MAGI2: variants seen among roughly 807,000 people sequenced by gnomAD.
The protein encoded by MAGI2 is membrane associated guanylate kinase, WW and PDZ domain containing 2, also known as membrane-associated guanylate kinase, WW and PDZ domain-containing protein 2.
Under a neutral mutation model 133.3 loss-of-function variants are expected in MAGI2, and 35 were observed. The ratio of observed to expected loss-of-function variants is 0.26; its 90% CI spans 0.20 to 0.35. The LOEUF (loss-of-function observed/expected upper bound fraction) is 0.35, where lower values mean the gene tolerates loss of function less well. Among genes scored for constraint, MAGI2 ranks in the 10% least tolerant of loss-of-function variants. The pLI, the probability that MAGI2 is intolerant of heterozygous loss-of-function variation, is 1.00. For synonymous variants in MAGI2, 729 were observed against 710.6 expected (o/e 1.03, Z -0.41); for missense variants, 1,636 against 1,863.4 (o/e 0.88, Z 2.25).
intron 2 of MAGI2, among the ~76,000 whole-genome samples, chr7:78,638,540 A>G (rs1452303869): frequency 6.6e-6 from 1 of 152,194 alleles, no homozygotes; most frequent in African/African-American, 2.4e-5. Context: ...GCAGAGACAT[A>G]AATAAAATGA....
At chr7:79,060,137 T>A (rs974652686) in intron 1 of MAGI2, among the ~76,000 whole-genome samples, 1 of 152,004 alleles carries the variant, frequency 6.6e-6, no homozygotes, top group African/African-American at 2.4e-5. Context: ...AACCAAAATA[T>A]CTCTTACTAA....
chr7:79,175,618 T>A (rs1826023099), intron 1 of MAGI2, among the ~76,000 whole-genome samples: 1 of 151,984 alleles, frequency 6.6e-6, no homozygotes, highest in Non-Finnish European at 1.5e-5. Context: ...GTAGTATACT[T>A]ACATAGAGCG....
intron 3 of MAGI2, among the ~76,000 whole-genome samples, chr7:78,575,212 A>G (rs888910145): frequency 6.6e-6 from 1 of 152,152 alleles, no homozygotes; most frequent in Non-Finnish European, 1.5e-5. Flanking sequence ...ATTCCATTTA[A>G]AAGGAGCTAC....
intron 20 of MAGI2, among the ~76,000 whole-genome samples, chr7:78,088,321 A>G (rs1233369467): frequency 1.3e-5 from 2 of 152,150 alleles, no homozygotes; most frequent in African/African-American, 4.8e-5. Flanking sequence ...TCAACTTTTT[A>G]GCACCTTCTC....
chr7:78,596,297 T>C (rs1804606400), intron 3 of MAGI2, among the ~76,000 whole-genome samples: 1 of 152,000 alleles, frequency 6.6e-6, no homozygotes, highest in African/African-American at 2.4e-5. Flanking sequence ...GTTAAGCTGT[T>C]AGCAAGAATG....
intron 2 of MAGI2, among the ~76,000 whole-genome samples, chr7:78,993,730 T>C (rs555213997): frequency 5.3e-4 from 80 of 152,166 alleles, no homozygotes; most frequent in African/African-American, 1.7e-3. Flanking sequence ...CTAAACCTTG[T>C]CCTTCTTAAA....
At chr7:78,259,453 C>T (rs765981265) in intron 9 of MAGI2, among the ~76,000 whole-genome samples, 68 of 152,134 alleles carry the variant, frequency 4.5e-4, no homozygotes, top group Admixed American at 4.6e-4. Context: ...TGGGAAATAA[C>T]GAATGAGATC....
chr7:79,424,351 C>T (rs1284658391), intron 1 of MAGI2, among the ~76,000 whole-genome samples: 1 of 151,202 alleles, frequency 6.6e-6, no homozygotes, highest in Non-Finnish European at 1.5e-5. Flanking sequence ...TATGTAAAAT[C>T]TAAAAAAGTT....
chr7:79,028,673 G>A (rs1213627550), intron 1 of MAGI2, among the ~76,000 whole-genome samples: 1 of 151,910 alleles, frequency 6.6e-6, no homozygotes, highest in Non-Finnish European at 1.5e-5. Context: ...TTACATCCCT[G>A]CCTAATTGAT....
intron 6 of MAGI2, among the ~76,000 whole-genome samples, chr7:78,429,581 T>C (rs1799599872): frequency 6.6e-6 from 1 of 152,144 alleles, no homozygotes. Flanking sequence ...AGAATAAATA[T>C]GTACCTTTTT....
intron 1 of MAGI2, among the ~76,000 whole-genome samples, chr7:79,425,519 C>A (rs1367094241): frequency 5.3e-5 from 8 of 150,724 alleles, no homozygotes; most frequent in African/African-American, 1.5e-4. Context: ...TACTAACATC[C>A]TAAAGCTAAC....
intron 6 of MAGI2, among the ~76,000 whole-genome samples, chr7:78,422,803 C>A (rs1378652133): frequency 6.6e-6 from 1 of 152,102 alleles, no homozygotes; most frequent in Non-Finnish European, 1.5e-5. Flanking sequence ...CATTAAAAAA[C>A]CTAGTCTTGC....
At chr7:79,430,178 A>C (rs186397181) in intron 1 of MAGI2, among the ~76,000 whole-genome samples, 20 of 152,192 alleles carry the variant, frequency 1.3e-4, no homozygotes, top group African/African-American at 3.4e-4. Flanking sequence ...ATATTCTATA[A>C]AATTTTAAAA....
At chr7:78,484,151 C>T (rs981766747) in intron 6 of MAGI2, 18 of 151,850 alleles carry the variant, frequency 1.2e-4, no homozygotes, top group Non-Finnish European at 2.5e-4. Context: ...AAGTATGAAT[C>T]TTTTAATCTG....
At chr7:78,890,459 T>C (rs1409269509) in intron 2 of MAGI2, among the ~76,000 whole-genome samples, 1 of 152,130 alleles carries the variant, frequency 6.6e-6, no homozygotes, top group African/African-American at 2.4e-5. Flanking sequence ...TATTCCAAAA[T>C]TGACCACATA....
intron 3 of MAGI2, among the ~76,000 whole-genome samples, chr7:78,584,555 C>T (rs1429469168): frequency 6.6e-6 from 1 of 151,896 alleles, no homozygotes; most frequent in African/African-American, 2.4e-5. Context: ...TTCTGCATGG[C>T]ATCAGCACAG....
chr7:79,041,748 A>C (rs1176678115), intron 1 of MAGI2, among the ~76,000 whole-genome samples: 1 of 152,192 alleles, frequency 6.6e-6, no homozygotes, highest in Admixed American at 6.5e-5. Flanking sequence ...AGATGACTTA[A>C]TAGGGAAAGG....
rs10257478 is a variant in MAGI2 at position 79,140,542 on chromosome 7, T to C, written c.302-133336A>G. Among the ~76,000 whole-genome samples, 303 of 152,180 alleles carry C rather than the reference T, an allele frequency of 2.0e-3. 1 individual carries two copies. Among genetic ancestry groups the C allele is most frequent in the African/African-American group, 7.0e-3 (292 of 41,526 alleles). On this transcript the variant is annotated intron_variant, in intron 1 of 21. Transcript: ENST00000354212. ...AGATACAAGAAGTCATTTGAAACCT[T>C]GAAATATGGAAAGGACGATGAAAAA... is the stretch of plus-strand genomic sequence containing the variant.
chr7:78,909,207 A>G (rs1370409986), intron 2 of MAGI2, among the ~76,000 whole-genome samples: 2 of 151,932 alleles, frequency 1.3e-5, no homozygotes, highest in Non-Finnish European at 2.9e-5. Flanking sequence ...ACAAACATAT[A>G]AAAAGAAGCT....
Sources: gnomAD v4.1 joint callset for allele counts (sites outside exome capture counted in the v4.1 genomes callset) on GRCh38, gnomAD v4.1.1 for gene constraint, MANE v1.5 for transcripts, NCBI Gene and HGNC (gene_info 2026-07-23, HGNC 2026-07-21) for gene names.